CEP89: variants seen among roughly 807,000 people sequenced by gnomAD.
CEP89 encodes centrosomal protein of 89 kDa.
A neutral mutation model predicts 97.6 loss-of-function variants in CEP89; 95 were observed. That is an observed-to-expected ratio of 0.97 (90% CI 0.82 to 1.15). The LOEUF (loss-of-function observed/expected upper bound fraction) is 1.15. CEP89 is among the 50% of genes most tolerant of loss of function. The probability of loss-of-function intolerance (pLI) is 0.00; values close to 1 mark genes in which losing one functional copy is unlikely to be tolerated. For missense variants in CEP89, 869 were observed against 947.7 expected, an observed-to-expected ratio of 0.92 and a Z score of 1.09; for synonymous variants, 354 against 349.1, an observed-to-expected ratio of 1.01 and a Z score of -0.16.
intron 13 of CEP89, among the ~76,000 whole-genome samples, chr19:32,916,336 A>G (rs1434361760): frequency 6.6e-6 from 1 of 152,170 alleles, no homozygotes; most frequent in Non-Finnish European, 1.5e-5. Flanking sequence ...AGCACTCACT[A>G]AATATATACT....
chr19:32,909,242 G>A (rs759767914), intron 14 of CEP89, among the ~76,000 whole-genome samples: 28 of 152,350 alleles, frequency 1.8e-4, no homozygotes, highest in Non-Finnish European at 3.5e-4. Context: ...AAAGATTTAA[G>A]GGGACAGGTT....
chr19:32,937,444 C>T (rs2304099), intron 7 of CEP89, 187 bp downstream of exon 7: 194,648 of 558,760 alleles, frequency 0.35, 35,832 homozygotes, highest in Admixed American at 0.49. Context: ...CCTCCCAGGA[C>T]CCAAGCACAT....
At chr19:32,889,591 T>C (rs4550589) in intron 16 of CEP89, among the ~76,000 whole-genome samples, 14,891 of 152,084 alleles carry the variant, frequency 0.098, 917 homozygotes, top group Middle Eastern at 0.17. Context: ...CCCACAAATA[T>C]TGGGGGTGGG....
chr19:32,968,268 T>C (rs1237709716), intron 1 of CEP89, among the ~76,000 whole-genome samples: 2 of 152,176 alleles, frequency 1.3e-5, no homozygotes, highest in Non-Finnish European at 2.9e-5. Flanking sequence ...TTGCTTGTTT[T>C]GGAGACAGTC....
At chr19:32,956,049 CTTTTTTTTTTT>C (rs202179963) in intron 3 of CEP89, among the ~76,000 whole-genome samples, 51 of 105,746 alleles carry the variant, frequency 4.8e-4, no homozygotes, top group Admixed American at 8.1e-4. Context: ...CAATTTGGTT[CTTTTTTTTTTT>C]TTTTTTTTTT....
rs1184934599 is a variant in CEP89, at chr19:32,899,936, A to G, written c.1796T>C (p.Met599Thr). 3.7e-6 allele frequency: 6 copies of G among 1,614,052 alleles called. No homozygotes were observed. Among genetic ancestry groups the G allele is most frequent in the Non-Finnish European group, 5.1e-6 (6 of 1,179,972 alleles). The change falls in exon 16 of 19, where the codon ATG becomes ACG. Residue 599 changes from methionine to threonine, a missense_variant. Met to Thr is a moderately conservative substitution (Grantham distance 81). Transcript: ENST00000305768. ...GTTTGCCAGGTACTGATGAGCAGAC[A>G]TTTCGTTCCCCATGGCTTTTTCCAC... The part of the protein sequence containing the change: ...KQVEKAMGNE[M>T]SAHQYLANLV...
intron 1 of CEP89, 43 bp downstream of exon 1, chr19:32,971,793 G>C (rs768999273): frequency 3.2e-6 from 5 of 1,555,916 alleles, no homozygotes; most frequent in Admixed American, 1.8e-5. Flanking sequence ...CCTAATTCCC[G>C]GCCCCACAGA....
At chr19:32,933,311 A>G (rs372587207) in intron 8 of CEP89, 140 bp downstream of exon 8, 45 of 679,100 alleles carry the variant, frequency 6.6e-5, no homozygotes, top group African/African-American at 6.3e-4. Context: ...CTCAACAAAC[A>G]TAAGGATATT....
At chr19:32,950,724 A>G (rs898276904) in intron 4 of CEP89, among the ~76,000 whole-genome samples, 9 of 152,224 alleles carry the variant, frequency 5.9e-5, no homozygotes, top group Non-Finnish European at 1.0e-4. Flanking sequence ...CAAGGGACAC[A>G]TCGCCAAATG....
intron 14 of CEP89, among the ~76,000 whole-genome samples, chr19:32,910,441 A>G (rs528537004): frequency 1.1e-3 from 167 of 152,250 alleles, no homozygotes; most frequent in African/African-American, 3.9e-3. Context: ...GGCCTAGGAC[A>G]TTACTGTACA....
chr19:32,913,935 G>A (rs576768441), intron 14 of CEP89, among the ~76,000 whole-genome samples: 2 of 152,100 alleles, frequency 1.3e-5, no homozygotes, highest in South Asian at 4.2e-4. Flanking sequence ...CACCGTGCCC[G>A]GCCACACACA....
At chr19:32,942,869 A>C (rs1282028877) in intron 5 of CEP89, among the ~76,000 whole-genome samples, 2 of 118,582 alleles carry the variant, frequency 1.7e-5, no homozygotes, top group Non-Finnish European at 1.7e-5. Context: ...TTTTTTTTTG[A>C]GACAGGGTCT....
chr19:32,913,051 A>T (rs56060054), intron 14 of CEP89, among the ~76,000 whole-genome samples: 23,473 of 148,478 alleles, frequency 0.16, 2,088 homozygotes, highest in Non-Finnish European at 0.21. Flanking sequence ...AAAAAAAATT[A>T]AAAAAAATTT....
chr19:32,953,843 T>A (rs757897510), intron 3 of CEP89, 42 bp from the exon 4 acceptor site: 2 of 1,311,880 alleles, frequency 1.5e-6, no homozygotes, highest in Non-Finnish European at 2.2e-6. Context: ...AAAAAGTCAC[T>A]TAACACTTGA....
At chr19:32,892,488 T>C (rs761555924) in intron 16 of CEP89, among the ~76,000 whole-genome samples, 36 of 151,112 alleles carry the variant, frequency 2.4e-4, no homozygotes, top group Non-Finnish European at 4.3e-4. Flanking sequence ...GCATTTTTAG[T>C]GGAGATAGGG....
chr19:32,879,763 G>A (rs954080510), intron 18 of CEP89, among the ~76,000 whole-genome samples: 1 of 152,220 alleles, frequency 6.6e-6, no homozygotes, highest in South Asian at 2.1e-4. Context: ...GCTGGCCTTG[G>A]CCAGCCAGAC....
chr19:32,967,378 A>G (rs1487794068), intron 1 of CEP89, among the ~76,000 whole-genome samples: 1 of 152,294 alleles, frequency 6.6e-6, no homozygotes, highest in East Asian at 1.9e-4. Flanking sequence ...GAGGCAAAAC[A>G]CCATGACAGC....
At chr19:32,951,534 T>TATATATATATATACACACAC (rs1407110112) in intron 4 of CEP89, among the ~76,000 whole-genome samples, 8 of 122,038 alleles carry the variant, frequency 6.6e-5, no homozygotes, top group African/African-American at 2.4e-4. Context: ...TATATATATA[T>TATATATATATATACACACAC]ACACACACAC....
At chr19:32,881,011 A>G (rs1969269212) in intron 18 of CEP89, among the ~76,000 whole-genome samples, 1 of 152,198 alleles carries the variant, frequency 6.6e-6, no homozygotes, top group Non-Finnish European at 1.5e-5. Context: ...AGATCTTCAA[A>G]GGAAACCTGT....
Sources: gnomAD v4.1 joint callset for allele counts (sites outside exome capture counted in the v4.1 genomes callset) on GRCh38, gnomAD v4.1.1 for gene constraint, MANE v1.5 for transcripts, NCBI Gene and HGNC (gene_info 2026-07-23, HGNC 2026-07-21) for gene names.